CYP24A1: variants seen among roughly 807,000 people sequenced by gnomAD.
CYP24A1 encodes the protein 1,25-dihydroxyvitamin D(3) 24-hydroxylase, mitochondrial.
Under a neutral mutation model 62.4 loss-of-function variants are expected in CYP24A1, and 68 were observed. The observed-to-expected ratio is 1.09, with a 90% CI of 0.90 to 1.33. CYP24A1 has a LOEUF of 1.33. CYP24A1 is among the 40% of genes most tolerant of loss of function. The probability of loss-of-function intolerance (pLI) is 0.00; values close to 1 mark genes in which losing one functional copy is unlikely to be tolerated. For missense variants in CYP24A1, 787 were observed against 653.0 expected, an observed-to-expected ratio of 1.21 and a Z score of -2.24; for synonymous variants, 267 against 253.0, an observed-to-expected ratio of 1.06 and a Z score of -0.52.
chr20:54,158,359 A>G (rs2092637330), intron 8 of CYP24A1, among the ~76,000 whole-genome samples, 195 bp from the exon 9 acceptor site: 1 of 152,158 alleles, frequency 6.6e-6, no homozygotes, highest in Non-Finnish European at 1.5e-5. Flanking sequence ...CATCTTCTTG[A>G]GTTAGTTAAA....
At chr20:54,165,012 C>T (rs2092666285) in intron 5 of CYP24A1, among the ~76,000 whole-genome samples, 1 of 152,160 alleles carries the variant, frequency 6.6e-6, no homozygotes, top group African/African-American at 2.4e-5. Context: ...TATTTTTAAT[C>T]AACTGATCTT....
At chr20:54,157,101 C>G (rs1349809886) in intron 11 of CYP24A1, 68 bp downstream of exon 11, 14 of 821,782 alleles carry the variant, frequency 1.7e-5, no homozygotes, top group Non-Finnish European at 2.9e-5. Context: ...TGGCTGACTT[C>G]CCAGCATAGC....
intron 3 of CYP24A1, among the ~76,000 whole-genome samples, chr20:54,170,311 A>G (rs1175640455): frequency 6.6e-6 from 1 of 152,186 alleles, no homozygotes; most frequent in Non-Finnish European, 1.5e-5. Context: ...CAAACACTGT[A>G]CGAAGTGTAT....
At chr20:54,172,730 C>G (rs1387565378) in intron 2 of CYP24A1, 179 bp downstream of exon 2, 17 of 1,401,682 alleles carry the variant, frequency 1.2e-5, no homozygotes, top group Non-Finnish European at 1.5e-5. Context: ...TTCCGTGGAC[C>G]GACTCTAATC....
intron 11 of CYP24A1, among the ~76,000 whole-genome samples, chr20:54,155,797 A>G (rs1432475783): frequency 6.6e-6 from 1 of 151,792 alleles, no homozygotes; most frequent in East Asian, 1.9e-4. Flanking sequence ...TCACTTCAAT[A>G]GTTTTGAATT....
chr20:54,171,560 G>A lies in CYP24A1; in HGVS notation c.543+17C>T, dbSNP rs2092693780. The A allele has an allele frequency of 6.2e-7, 1 of 1,613,856 alleles. No homozygotes were observed. The highest frequency in any genetic ancestry group is 8.5e-7 in the Non-Finnish European group (1 of 1,179,852). ...TGTCCCCACGAGCCCCAGGAAAGCTGGCCCCAGCCTGCAGACCTCATTGAT... is the reference window on the plus strand; with the variant it reads ...TGTCCCCACGAGCCCCAGGAAAGCTAGCCCCAGCCTGCAGACCTCATTGAT... On this transcript the variant is annotated intron_variant, in intron 3 of 11. Coordinates refer to ENST00000216862, the MANE Select transcript of CYP24A1 (RefSeq NM_000782.5).
chr20:54,172,737 A>T, intron 2 of CYP24A1, 172 bp downstream of exon 2: 1 of 1,443,294 alleles, frequency 6.9e-7, no homozygotes, highest in Non-Finnish European at 9.2e-7. Context: ...GACCGACTCT[A>T]ATCTGTACAA....
downstream of CYP24A1, among the ~76,000 whole-genome samples, chr20:54,149,724 A>G (rs1383514147): frequency 6.6e-6 from 1 of 152,180 alleles, no homozygotes; most frequent in East Asian, 1.9e-4. Flanking sequence ...CCAACCATCC[A>G]TGCTTGGAGT....
chr20:54,163,391 T>C (rs2092659729), intron 6 of CYP24A1, among the ~76,000 whole-genome samples: 1 of 152,216 alleles, frequency 6.6e-6, no homozygotes, highest in Non-Finnish European at 1.5e-5. Flanking sequence ...ATTTATAACA[T>C]AAAATCTAGG....
intron 4 of CYP24A1, among the ~76,000 whole-genome samples, chr20:54,167,777 G>A (rs2870316): frequency 8.1e-6 from 1 of 123,112 alleles, no homozygotes; most frequent in African/African-American, 3.8e-5. Context: ...TCTCAAATAA[G>A]TAATTAAAAA....
chr20:54,148,799 C>T (rs975965270), downstream of CYP24A1, among the ~76,000 whole-genome samples: 1 of 152,146 alleles, frequency 6.6e-6, no homozygotes, highest in African/African-American at 2.4e-5. Context: ...CTCGCACTGA[C>T]ATAAATAGAC....
chr20:54,143,708 A>G, the CYP24A1 span, among the ~76,000 whole-genome samples: 7 of 151,262 alleles, frequency 4.6e-5, no homozygotes, highest in South Asian at 4.2e-4. Flanking sequence ...AAGGATAAAC[A>G]AAAAGAAAAT....
chr20:54,153,192 T>A (rs2092615571), downstream of CYP24A1, among the ~76,000 whole-genome samples: 1 of 152,050 alleles, frequency 6.6e-6, no homozygotes, highest in Admixed American at 6.5e-5. Context: ...TGTGACTGAT[T>A]GTGTGATTGG....
At position 54,172,959 on chromosome 20, in the gene CYP24A1, C is replaced by T. The variant is rs1601150330; in HGVS notation, c.399G>A (p.Pro133=). 6.2e-7 allele frequency: 1 copy of T among 1,613,670 alleles called. No individual in the cohort carries two copies. The highest frequency in any genetic ancestry group is 8.5e-7 in the Non-Finnish European group (1 of 1,180,042). Reference sequence around the variant, plus strand: ...TGCGGTAGTCGCGATAGGCCTTCCACGGTTTGATCTCCAGCCGCTGCGGGT... The same window carrying T: ...TGCGGTAGTCGCGATAGGCCTTCCATGGTTTGATCTCCAGCCGCTGCGGGT... ...SAYPQRLEIK[P]WKAYRDYRKE... The change falls in exon 2 of 12, where the codon CCG becomes CCA. Residue 133 remains proline (P), a synonymous_variant. Transcript: ENST00000216862.
At chr20:54,170,013 A>G (rs2092688681) in intron 3 of CYP24A1, among the ~76,000 whole-genome samples, 1 of 152,212 alleles carries the variant, frequency 6.6e-6, no homozygotes, top group South Asian at 2.1e-4. Flanking sequence ...AAAACCACAA[A>G]GGAATCAGCT....
At chr20:54,167,509 C>T (rs1057167496) in intron 4 of CYP24A1, among the ~76,000 whole-genome samples, 6 of 152,110 alleles carry the variant, frequency 3.9e-5, no homozygotes, top group Admixed American at 1.3e-4. Context: ...TGGTATCGCA[C>T]GCCTGCAATA....
chr20:54,147,515 G>C, the CYP24A1 span, among the ~76,000 whole-genome samples: 2 of 152,090 alleles, frequency 1.3e-5, no homozygotes, highest in Non-Finnish European at 2.9e-5. Flanking sequence ...TGGGCTCAGG[G>C]GCCACACAGA....
At chr20:54,150,469 G>T (rs1046910579), downstream of CYP24A1, among the ~76,000 whole-genome samples, 4 of 152,140 alleles carry the variant, frequency 2.6e-5, no homozygotes, top group Non-Finnish European at 5.9e-5. Context: ...AAGTAGCTGG[G>T]ATTATAAGCA....
rs2092639751 is a variant in CYP24A1, at chr20:54,158,986, A to G, written c.1128T>C (p.Tyr376=). ...TAGATTCTTTCAGACAGGCTTTTAA[A>G]TACGGCATATTCCTCAAATCTTCTG... ...PRAEDLRNMP[Y]LKACLKESMR... is the part of the protein sequence containing the mutation. The change falls in exon 8 of 12, where the codon TAT becomes TAC. Residue 376 remains tyrosine (Y), a synonymous_variant. Transcript: ENST00000216862. The G allele has an allele frequency of 6.2e-7, 1 of 1,614,066 alleles. No homozygotes were observed. Among genetic ancestry groups the G allele is most frequent in the South Asian group, 1.1e-5 (1 of 91,086 alleles).
Sources: gnomAD v4.1 joint callset for allele counts (sites outside exome capture counted in the v4.1 genomes callset) on GRCh38, gnomAD v4.1.1 for gene constraint, MANE v1.5 for transcripts, NCBI Gene and HGNC (gene_info 2026-07-23, HGNC 2026-07-21) for gene names.